INHBA: variants seen among roughly 807,000 people sequenced by gnomAD.
INHBA encodes the protein inhibin subunit beta A, also known as inhibin beta A chain.
Under a neutral mutation model 29.0 loss-of-function variants are expected in INHBA, and 1 was observed. The observed-to-expected ratio is 0.03, with a 90% confidence interval of 0.01 to 0.16. INHBA has a LOEUF of 0.16. Ranked by LOEUF, INHBA falls within the 10% of genes least tolerant of loss-of-function variation. INHBA has a pLI of 1.00. For synonymous variants in INHBA, 242 were observed against 216.8 expected (o/e 1.12, Z -1.02); for missense variants, 376 against 545.4 (o/e 0.69, Z 3.09).
At chr7:41,695,258 T>C (rs1476151873) in intron 2 of INHBA, among the ~76,000 whole-genome samples, 1 of 152,236 alleles carries the variant, frequency 6.6e-6, no homozygotes, top group Non-Finnish European at 1.5e-5. Flanking sequence ...GAAAGCCTCG[T>C]TGTTTATAGA....
intron 2 of INHBA, among the ~76,000 whole-genome samples, chr7:41,698,453 T>C (rs1794698445): frequency 6.6e-6 from 1 of 152,164 alleles, no homozygotes; most frequent in Non-Finnish European, 1.5e-5. Flanking sequence ...ATATTGTAAA[T>C]ATTTTCTTTT....
chr7:41,695,332 C>T (rs1794622747), intron 2 of INHBA, among the ~76,000 whole-genome samples: 1 of 152,184 alleles, frequency 6.6e-6, no homozygotes, highest in South Asian at 2.1e-4. Context: ...GCGTCTGTTC[C>T]TTTAATTTTC....
rs762855304 is a variant in INHBA, at chr7:41,689,632, C to A, written c.*18G>T. ...CTCTGGACAACTCTTGCTCCCTTTCCCCCTGGGCTGGGCAACTCTATGAGC... is the reference window on the plus strand; with the variant it reads ...CTCTGGACAACTCTTGCTCCCTTTCACCCTGGGCTGGGCAACTCTATGAGC... On this transcript the variant is annotated 3_prime_UTR_variant, in exon 3 of 3. Coordinates refer to ENST00000242208, the MANE Select transcript of INHBA (RefSeq NM_002192.4). The A allele has an allele frequency of 1.3e-6, 2 of 1,533,566 alleles. No homozygotes were observed. The highest frequency in any genetic ancestry group is 2.3e-5 in the East Asian group (1 of 43,932). 95.0% of individuals were successfully genotyped at this position (1,533,566 alleles called of 1,614,324 possible).
Position 41,700,350 on chromosome 7 carries a change from A to G in INHBA, c.25T>C (p.Phe9Leu). 6.7e-7 allele frequency: 1 copy of G among 1,496,752 alleles called. No homozygotes were observed. The highest frequency in any genetic ancestry group is 8.9e-7 in the Non-Finnish European group (1 of 1,123,394). 92.7% of individuals were successfully genotyped at this position (1,496,752 alleles called of 1,614,324 possible). A position where few individuals can be genotyped will look rare whatever the true frequency, so the allele number is the denominator to read the frequency against. Residue 9 changes from phenylalanine (F) to leucine (L), a missense_variant, in exon 2 of 3, where the codon TTT becomes CTT. By Grantham distance (22) the Phe-to-Leu change is conservative (BLOSUM62 0). Transcript: ENST00000242208. MPLLWLRGFLLASCWIIVR... is the reference protein window; with the variant it reads MPLLWLRGLLLASCWIIVR... ...ATAATCCAGCAACTTGCCAACAGAA[A>G]TCCTCTCAGCCAAAGCAAGGGCATC...
Position 41,687,996 on chromosome 7 carries a change from T to C in INHBA, c.*1654A>G, listed in dbSNP as rs1794423322. ...AGGAGGAAATTTGATCCCTGTACAATGAAAGAGGGCCTTGCTGAATATTCA... is the reference window on the plus strand; with the variant it reads ...AGGAGGAAATTTGATCCCTGTACAACGAAAGAGGGCCTTGCTGAATATTCA... On this transcript the variant is annotated 3_prime_UTR_variant, in exon 3 of 3. Transcript: ENST00000242208. 2 of 152,206 alleles carry C rather than the reference T, an allele frequency of 1.3e-5. No homozygotes were observed. Among genetic ancestry groups the C allele is most frequent in the African/African-American group, 4.8e-5 (2 of 41,442 alleles). The allele number at this position is 152,206 out of a possible 1,614,324, so 9.4% of individuals were successfully genotyped here.
upstream of INHBA, among the ~76,000 whole-genome samples, chr7:41,703,793 A>AC (rs1554287637): frequency 2.0e-4 from 21 of 107,350 alleles, no homozygotes; most frequent in South Asian, 6.2e-4. Flanking sequence ...ACACACACAC[A>AC]ACAACAACAA....
At chr7:41,693,648 C>G (rs1440928637) in intron 2 of INHBA, among the ~76,000 whole-genome samples, 1 of 152,158 alleles carries the variant, frequency 6.6e-6, no homozygotes, top group Non-Finnish European at 1.5e-5. Context: ...AGAGAGTACT[C>G]ATTAGAGGGG....
At position 41,697,389 on chromosome 7, in the gene INHBA, C is replaced by T. The variant is rs536718231; in HGVS notation, c.388+2598G>A. Reference sequence around the variant, plus strand: ...TCGCATCAACTTTACAAAAATTGAGCACTTTCTACCTAAACAGGATGGGAC... The same window carrying T: ...TCGCATCAACTTTACAAAAATTGAGTACTTTCTACCTAAACAGGATGGGAC... On this transcript the variant is annotated intron_variant, in intron 2 of 2. Transcript: ENST00000242208. Among the ~76,000 whole-genome samples, 42 of 152,306 alleles carry T rather than the reference C, an allele frequency of 2.8e-4. No homozygotes were observed. In the South Asian group the frequency reaches 7.5e-3, roughly 27 times the overall value.
intron 2 of INHBA, chr7:41,692,601 G>C (rs1159034724): frequency 2.0e-5 from 3 of 152,404 alleles, no homozygotes; most frequent in Non-Finnish European, 2.9e-5. Context: ...TGCTGGCCAT[G>C]ATGATGGTGG....
rs1344703917 is a variant in INHBA at position 41,689,456 on chromosome 7, A to AT, written c.*193dup. The AT allele has an allele frequency of 5.7e-6, 3 of 526,380 alleles. No individual in the cohort carries two copies. Among genetic ancestry groups the AT allele is most frequent in the East Asian group, 3.3e-5 (1 of 30,202 alleles). 32.6% of individuals were successfully genotyped at this position (526,380 alleles called of 1,614,324 possible). ...CTTCATCTCTGAGCCCTGGCTAAGG[A>AT]TTTTTTCCACATCTTCCTTCATCTG... On this transcript the variant is annotated 3_prime_UTR_variant, in exon 3 of 3. Coordinates refer to ENST00000242208, the MANE Select transcript of INHBA (RefSeq NM_002192.4).
chr7:41,687,177 A>G lies in INHBA; in HGVS notation c.*2473T>C, dbSNP rs911205681. On this transcript the variant is annotated 3_prime_UTR_variant, in exon 3 of 3. Coordinates refer to ENST00000242208, the MANE Select transcript of INHBA (RefSeq NM_002192.4). ...TTTGCCCAGTAGTGACATTGCCTAC[A>G]TATAGCCAAGTGTTATAGTATACCA... is the stretch of plus-strand genomic sequence containing the variant. 1.3e-5 allele frequency: 2 copies of G among 152,260 alleles called. No individual in the cohort carries two copies. The highest frequency in any genetic ancestry group is 2.9e-5 in the Non-Finnish European group (2 of 68,036). 9.4% of individuals were successfully genotyped at this position (152,260 alleles called of 1,614,324 possible).
chr7:41,701,361 C>T (rs1370420458), intron 1 of INHBA, among the ~76,000 whole-genome samples: 2 of 152,094 alleles, frequency 1.3e-5, no homozygotes, highest in African/African-American at 4.8e-5. Flanking sequence ...ATTGTTCTGG[C>T]CTGATGGGAT....
chr7:41,695,499 G>T (rs1311268401), intron 2 of INHBA, among the ~76,000 whole-genome samples: 1 of 152,164 alleles, frequency 6.6e-6, no homozygotes, highest in South Asian at 2.1e-4. Flanking sequence ...AGGTCTTAAG[G>T]TTATTCCTCC....
At position 41,700,192 on chromosome 7, in the gene INHBA, G is replaced by A. The variant is rs780644703; in HGVS notation, c.183C>T (p.His61=). The part of the protein sequence containing the change: ...QPEMVEAVKK[H]ILNMLHLKKR... ...TCTTCAAGTGCAGCATGTTTAAAAT[G>A]TGCTTCTTGACGGCCTCCACCATCT... The change falls in exon 2 of 3, where the codon CAC becomes CAT. Residue 61 remains histidine, a synonymous_variant. Coordinates refer to ENST00000242208, the MANE Select transcript of INHBA (RefSeq NM_002192.4). 4 of 1,613,980 alleles carry A rather than the reference G, an allele frequency of 2.5e-6. No individual in the cohort carries two copies. The highest frequency in any genetic ancestry group is 1.1e-5 in the South Asian group (1 of 91,086).
chr7:41,704,454 C>A (rs936540457), upstream of INHBA, among the ~76,000 whole-genome samples: 1 of 152,264 alleles, frequency 6.6e-6, no homozygotes, highest in East Asian at 1.9e-4. Flanking sequence ...CTCAGCTTAG[C>A]ACTGGGTGAA....
At chr7:41,693,119 G>A (rs1794558891) in intron 2 of INHBA, among the ~76,000 whole-genome samples, 1 of 152,194 alleles carries the variant, frequency 6.6e-6, no homozygotes, top group Non-Finnish European at 1.5e-5. Flanking sequence ...ACTGCACAGG[G>A]TGTCACTCCA....
In INHBA at chr7:41,689,054, C is replaced by T. The variant is rs536161341; in HGVS notation, c.*596G>A. 3 of 232,774 alleles carry T rather than the reference C, an allele frequency of 1.3e-5. No homozygotes were observed. The highest frequency in any genetic ancestry group is 2.5e-5 in the Non-Finnish European group (3 of 117,984). The allele number at this position is 232,774 out of a possible 1,614,324, so 14.4% of individuals were successfully genotyped here. On this transcript the variant is annotated 3_prime_UTR_variant, in exon 3 of 3. Coordinates refer to ENST00000242208, the MANE Select transcript of INHBA (RefSeq NM_002192.4). ...AAAAGGAAGTGTGACCACCTGCACA[C>T]GATTGTTCTTTTACCAGTATGTGTA...
chr7:41,694,725 A>C (rs1794602294), intron 2 of INHBA, among the ~76,000 whole-genome samples: 1 of 152,218 alleles, frequency 6.6e-6, no homozygotes, highest in South Asian at 2.1e-4. Context: ...TTCACTAAGA[A>C]AGTCCCACGC....
chr7:41,691,889 A>G (rs1794531771), intron 2 of INHBA: 1 of 152,224 alleles, frequency 6.6e-6, no homozygotes, highest in East Asian at 1.9e-4. Context: ...TGAATCCCCC[A>G]TTTTTGCCTC....
Sources: allele counts gnomAD v4.1 joint callset (sites outside exome capture counted in the v4.1 genomes callset), GRCh38; gene constraint gnomAD v4.1.1; transcripts MANE v1.5; gene names NCBI Gene and HGNC (gene_info 2026-07-23, HGNC 2026-07-21).